RASGRF2: variants seen among roughly 807,000 people sequenced by gnomAD.
RASGRF2 encodes the protein Ras protein specific guanine nucleotide releasing factor 2, also known as ras-specific guanine nucleotide-releasing factor 2.
A neutral mutation model predicts 151.0 loss-of-function variants in RASGRF2; 76 were observed. The ratio of observed to expected loss-of-function variants is 0.50; its 90% CI spans 0.42 to 0.61. The LOEUF (loss-of-function observed/expected upper bound fraction) is 0.61. Ranked by LOEUF, RASGRF2 falls within the 20% of genes least tolerant of loss-of-function variation. The pLI, the probability that RASGRF2 is intolerant of heterozygous loss-of-function variation, is 0.00. For missense variants in RASGRF2, 1,148 were observed against 1,564.6 expected (o/e 0.73, Z 4.49); for synonymous variants, 504 against 566.5 (o/e 0.89, Z 1.57).
intron 19 of RASGRF2, 128 bp downstream of exon 19, chr5:81,201,570 A>G: frequency 9.5e-7 from 1 of 1,047,508 alleles, no homozygotes; most frequent in Non-Finnish European, 1.4e-6. Flanking sequence ...GTAAAGTGTT[A>G]TGTATTATCT....
intron 13 of RASGRF2, among the ~76,000 whole-genome samples, chr5:81,111,849 AC>A (rs932262150): frequency 2.6e-5 from 4 of 152,240 alleles, no homozygotes; most frequent in Non-Finnish European, 4.4e-5. Context: ...GCACAAATGT[AC>A]AAAATTAAAA....
intron 1 of RASGRF2, among the ~76,000 whole-genome samples, chr5:80,978,154 T>A (rs1032226223): frequency 6.6e-5 from 10 of 152,178 alleles, no homozygotes; most frequent in African/African-American, 2.2e-4. Flanking sequence ...TCAGAGGAAA[T>A]ACATAGCTAA....
intron 1 of RASGRF2, among the ~76,000 whole-genome samples, chr5:80,964,822 A>G (rs1747673544): frequency 6.6e-6 from 1 of 152,172 alleles, no homozygotes; most frequent in Non-Finnish European, 1.5e-5. Flanking sequence ...GAATTCATTT[A>G]CTTCAGGAAT....
intron 1 of RASGRF2, among the ~76,000 whole-genome samples, chr5:80,987,095 A>G (rs1748497253): frequency 6.6e-6 from 1 of 152,128 alleles, no homozygotes; most frequent in Non-Finnish European, 1.5e-5. Flanking sequence ...ACAGAAGACC[A>G]ACTCTCTGAC....
chr5:81,019,426 A>T (rs1194507243), intron 1 of RASGRF2: 1 of 152,190 alleles, frequency 6.6e-6, no homozygotes, highest in Non-Finnish European at 1.5e-5. Flanking sequence ...CCACTTCTTT[A>T]TCCATCTAGC....
At chr5:81,031,239 A>G (rs252593) in intron 1 of RASGRF2, among the ~76,000 whole-genome samples, 1 of 152,184 alleles carries the variant, frequency 6.6e-6, no homozygotes, top group Non-Finnish European at 1.5e-5. Context: ...TAAACAGATC[A>G]ACGAGACAGA....
intron 14 of RASGRF2, chr5:81,113,271 T>C (rs577344031): frequency 3.7e-6 from 2 of 541,208 alleles, no homozygotes; most frequent in East Asian, 6.4e-5. Context: ...GAGCCTGAGT[T>C]CTGAACGTCT....
At chr5:81,078,851 G>A (rs565385080) in intron 5 of RASGRF2, among the ~76,000 whole-genome samples, 1 of 152,194 alleles carries the variant, frequency 6.6e-6, no homozygotes, top group Admixed American at 6.5e-5. Context: ...GAAAGGCTGG[G>A]GGAGTAAAGT....
At chr5:81,055,159 C>G (rs1168879078) in intron 2 of RASGRF2, among the ~76,000 whole-genome samples, 1 of 152,162 alleles carries the variant, frequency 6.6e-6, no homozygotes, top group Non-Finnish European at 1.5e-5. Context: ...ACTTCCAACA[C>G]TATGTTGAAT....
At chr5:80,989,176 G>A (rs1748570401) in intron 1 of RASGRF2, among the ~76,000 whole-genome samples, 2 of 152,030 alleles carry the variant, frequency 1.3e-5, no homozygotes, top group Admixed American at 6.6e-5. Flanking sequence ...TCTCCATGTT[G>A]GCCAGGCTGG....
intron 17 of RASGRF2, among the ~76,000 whole-genome samples, chr5:81,157,888 C>CA (rs1419743942): frequency 6.6e-6 from 1 of 152,152 alleles, no homozygotes; most frequent in Non-Finnish European, 1.5e-5. Flanking sequence ...GATTACAATT[C>CA]AAGATGAGAT....
intron 1 of RASGRF2, among the ~76,000 whole-genome samples, chr5:80,995,476 G>T (rs566560273): frequency 6.6e-6 from 1 of 151,030 alleles, no homozygotes; most frequent in Non-Finnish European, 1.5e-5. Context: ...GCTTTTATAC[G>T]TGGTAACAAT....
chr5:81,180,781 G>A (rs1194133579), intron 18 of RASGRF2, among the ~76,000 whole-genome samples: 1 of 151,372 alleles, frequency 6.6e-6, no homozygotes, highest in Non-Finnish European at 1.5e-5. Flanking sequence ...GAGATATTTT[G>A]TCTCATGCCC....
In RASGRF2 at chr5:81,068,130, G is replaced by A. The variant is rs144574043; in HGVS notation, c.494G>A (p.Arg165Gln). Reference protein sequence around the residue: ...ETEKIAANQLRHQLEDQDTEI... With the variant: ...ETEKIAANQLQHQLEDQDTEI... ...GAAAAAATTGCAGCTAACCAACTCC[G>A]ACATCAACTTGAAGATCAAGACACA... Residue 165 changes from arginine to glutamine, a missense_variant, in exon 3 of 27, where the codon CGA (arginine) becomes CAA (glutamine). This residue lies in a region of RASGRF2 where 221 missense variants were observed against 271.3 expected (regional missense o/e 0.81). Transcript: ENST00000265080. The A allele has an allele frequency of 6.1e-5, 99 of 1,613,378 alleles. No individual in the cohort carries two copies. Among genetic ancestry groups the A allele is most frequent in the Non-Finnish European group, 7.9e-5 (93 of 1,179,608 alleles).
chr5:81,151,495 A>T (rs1754134331), intron 17 of RASGRF2, among the ~76,000 whole-genome samples: 1 of 150,714 alleles, frequency 6.6e-6, no homozygotes, highest in Admixed American at 6.6e-5. Flanking sequence ...TTGCCCATTG[A>T]CACTCTTCTA....
intron 18 of RASGRF2, among the ~76,000 whole-genome samples, chr5:81,194,780 T>G (rs1181742347): frequency 6.6e-6 from 1 of 152,196 alleles, no homozygotes; most frequent in African/African-American, 2.4e-5. Context: ...CTCAAGCCTC[T>G]CTTGGTTTCT....
At chr5:81,046,472 T>C (rs184237178) in intron 2 of RASGRF2, among the ~76,000 whole-genome samples, 169 of 152,310 alleles carry the variant, frequency 1.1e-3, no homozygotes, top group African/African-American at 2.4e-3. Context: ...TTGCTTACCA[T>C]TGGCCAATAC....
At position 81,116,565 on chromosome 5, in the gene RASGRF2, C is replaced by T. The variant is rs1294996848; in HGVS notation, c.2470+2645C>T. ...CTAGAGAATCTTTCTTCTCCTCCTT[C>T]TTCTTCTTACCATCTTAAGTATCTT... On this transcript the variant is annotated intron_variant, in intron 15 of 26. Transcript: ENST00000265080. Among the ~76,000 whole-genome samples, 5 of 144,944 alleles carry T rather than the reference C, an allele frequency of 3.4e-5. No individual in the cohort carries two copies. The South Asian group carries it at 6.2e-4, about 18-fold the overall frequency.
chr5:81,148,831 A>G (rs533898450), intron 17 of RASGRF2, among the ~76,000 whole-genome samples: 2 of 148,162 alleles, frequency 1.3e-5, no homozygotes, highest in Admixed American at 1.3e-4. Context: ...TAATAATAAT[A>G]AAATAAAATA....
Sources: allele counts gnomAD v4.1 joint callset (sites outside exome capture counted in the v4.1 genomes callset), GRCh38; gene constraint gnomAD v4.1.1; regional missense constraint gnomAD v4.1.1; transcripts MANE v1.5; gene names NCBI Gene and HGNC (gene_info 2026-07-23, HGNC 2026-07-21).